The following ERC2 variants were observed in gnomAD, a reference collection of about 807,000 sequenced individuals.
The protein encoded by ERC2 is ELKS/RAB6-interacting/CAST family member 2.
Under a neutral mutation model 114.8 loss-of-function variants are expected in ERC2, and 42 were observed. The ratio of observed to expected loss-of-function variants is 0.37; its 90% confidence interval spans 0.29 to 0.47. ERC2 has a LOEUF of 0.47. Among genes scored for constraint, ERC2 ranks in the 20% least tolerant of loss-of-function variants. ERC2 has a pLI of 0.99. For missense variants in ERC2, 939 were observed against 1,150.7 expected, an observed-to-expected ratio of 0.82 and a Z score of 2.66; for synonymous variants, 454 against 425.5, an observed-to-expected ratio of 1.07 and a Z score of -0.82.
At chr3:55,663,357 C>A (rs575329484) in intron 17 of ERC2, among the ~76,000 whole-genome samples, 21 of 152,236 alleles carry the variant, frequency 1.4e-4, no homozygotes, top group African/African-American at 5.1e-4. Flanking sequence ...CTGTCTGCAG[C>A]GCTGCCCCTT....
At chr3:55,969,123 C>T (rs563960418) in intron 12 of ERC2, among the ~76,000 whole-genome samples, 98 of 152,220 alleles carry the variant, frequency 6.4e-4, no homozygotes, top group Non-Finnish European at 1.2e-3. Flanking sequence ...CTTCTCTTGC[C>T]AGCCCTGAAA....
chr3:55,933,093 C>T (rs1576258414), intron 13 of ERC2, among the ~76,000 whole-genome samples: 1 of 151,954 alleles, frequency 6.6e-6, no homozygotes, highest in Admixed American at 6.6e-5. Flanking sequence ...CCTGTAATCC[C>T]ACCTACTCGA....
intron 14 of ERC2, among the ~76,000 whole-genome samples, chr3:55,846,684 T>C (rs1309393985): frequency 2.3e-5 from 3 of 131,288 alleles, no homozygotes; most frequent in South Asian, 2.6e-4. Flanking sequence ...TCTCTCTCTC[T>C]CTCTCTCTTT....
chr3:56,125,391 T>C (rs2079812223), intron 6 of ERC2, among the ~76,000 whole-genome samples: 2 of 152,152 alleles, frequency 1.3e-5, no homozygotes, highest in African/African-American at 4.8e-5. Flanking sequence ...CAGTGACTGA[T>C]ACCAATGTGG....
chr3:56,037,435 G>C (rs562848398), intron 7 of ERC2, among the ~76,000 whole-genome samples: 3 of 152,090 alleles, frequency 2.0e-5, no homozygotes, highest in Non-Finnish European at 4.4e-5. Context: ...AAGAGACCAC[G>C]CAGAAGAAAG....
intron 14 of ERC2, among the ~76,000 whole-genome samples, chr3:55,774,244 T>C (rs1459613682): frequency 6.6e-6 from 1 of 152,100 alleles, no homozygotes; most frequent in Non-Finnish European, 1.5e-5. Context: ...CTAACAGGGT[T>C]GGGAAGAAAG....
chr3:56,240,593 C>T (rs960845143), intron 3 of ERC2, among the ~76,000 whole-genome samples: 17 of 152,094 alleles, frequency 1.1e-4, no homozygotes, highest in Non-Finnish European at 1.8e-4. Flanking sequence ...TAAGAAGCAT[C>T]TTAATTTATA....
At chr3:55,703,350 C>T (rs1559522143) in intron 15 of ERC2, among the ~76,000 whole-genome samples, 1 of 152,220 alleles carries the variant, frequency 6.6e-6, no homozygotes, top group Non-Finnish European at 1.5e-5. Context: ...TTCTCTCTCT[C>T]GGTCCTGCTC....
chr3:55,619,934 G>A (rs1267973838), intron 17 of ERC2, among the ~76,000 whole-genome samples: 1 of 152,150 alleles, frequency 6.6e-6, no homozygotes, highest in Non-Finnish European at 1.5e-5. Context: ...CTCTCTAGGG[G>A]TTTCAATCAA....
chr3:56,435,625 C>T (rs537291735), intron 1 of ERC2, among the ~76,000 whole-genome samples: 2 of 152,294 alleles, frequency 1.3e-5, no homozygotes, highest in African/African-American at 4.8e-5. Context: ...CATGTTGTTA[C>T]CTTCCCCTCC....
At chr3:56,198,310 C>A (rs371171125) in intron 3 of ERC2, among the ~76,000 whole-genome samples, 12 of 152,282 alleles carry the variant, frequency 7.9e-5, no homozygotes, top group African/African-American at 2.9e-4. Flanking sequence ...TCTTAATGGG[C>A]TAAGGAATTT....
At position 55,534,509 on chromosome 3, in the gene ERC2, C is replaced by T. The variant is rs1175056279; in HGVS notation, c.*40-23233G>A. On this transcript the variant is annotated intron_variant, in intron 17 of 17. Transcript: ENST00000288221. ...AGGAGTCTCAGAACAGCCTGGGCAA[C>T]ATGACGAAAGCCTGCCTCTACAAAA... is the stretch of plus-strand genomic sequence containing the variant. Among the ~76,000 whole-genome samples, 5 of 151,594 alleles carry T rather than the reference C, an allele frequency of 3.3e-5. No homozygotes were observed. In the East Asian group the frequency reaches 7.8e-4, roughly 24 times the overall value.
chr3:55,688,960 A>G (rs1179468584), intron 16 of ERC2, among the ~76,000 whole-genome samples: 1 of 152,126 alleles, frequency 6.6e-6, no homozygotes, highest in East Asian at 1.9e-4. Context: ...CACGAGCCAC[A>G]TCTCTGGTTT....
chr3:56,043,937 C>T (rs1444949690), intron 7 of ERC2, among the ~76,000 whole-genome samples: 2 of 152,042 alleles, frequency 1.3e-5, no homozygotes, highest in South Asian at 2.1e-4. Flanking sequence ...TTTTCTTGTC[C>T]ACACACTGTC....
chr3:55,890,904 T>C (rs2063567274), intron 13 of ERC2, among the ~76,000 whole-genome samples: 1 of 152,220 alleles, frequency 6.6e-6, no homozygotes, highest in African/African-American at 2.4e-5. Flanking sequence ...CCACTGCTTC[T>C]CTCTGTAACT....
At chr3:56,036,773 A>G (rs1366715003) in intron 7 of ERC2, among the ~76,000 whole-genome samples, 3 of 152,136 alleles carry the variant, frequency 2.0e-5, no homozygotes, top group Admixed American at 1.3e-4. Context: ...GCAAATCAGG[A>G]GATTCCCTCA....
At chr3:56,370,680 C>T (rs1415427963) in intron 2 of ERC2, among the ~76,000 whole-genome samples, 10 of 150,546 alleles carry the variant, frequency 6.6e-5, no homozygotes, top group Admixed American at 4.6e-4. Flanking sequence ...CTGCAACCTC[C>T]GCCTCCCAGG....
intron 2 of ERC2, among the ~76,000 whole-genome samples, chr3:56,327,742 C>T (rs577431972): frequency 1.3e-5 from 2 of 152,266 alleles, no homozygotes; most frequent in South Asian, 2.1e-4. Context: ...CAACAGAGAC[C>T]TCCCTTCTGA....
At chr3:55,683,111 C>T (rs1230395013) in intron 17 of ERC2, among the ~76,000 whole-genome samples, 1 of 152,148 alleles carries the variant, frequency 6.6e-6, no homozygotes, top group East Asian at 1.9e-4. Context: ...ATTTCTAATG[C>T]AAAGCCTCAT....
Sources: allele counts gnomAD v4.1 joint callset (sites outside exome capture counted in the v4.1 genomes callset), GRCh38; gene constraint gnomAD v4.1.1; transcripts MANE v1.5; gene names NCBI Gene and HGNC (gene_info 2026-07-23, HGNC 2026-07-21).